GABRA2: variants seen among roughly 807,000 people sequenced by gnomAD.
GABRA2 encodes the protein gamma-aminobutyric acid type A receptor subunit alpha2.
In GABRA2, 16 loss-of-function variants were observed where a neutral mutation model predicts 48.7. That is an observed-to-expected ratio of 0.33 (90% CI 0.22 to 0.50). The LOEUF (loss-of-function observed/expected upper bound fraction) is 0.50. GABRA2 is among the 20% of genes least tolerant of loss of function. The probability of loss-of-function intolerance (pLI) is 0.98; values close to 1 mark genes in which losing one functional copy is unlikely to be tolerated. For synonymous variants in GABRA2, 185 were observed against 184.5 expected, an observed-to-expected ratio of 1.00 and a Z score of -0.02; for missense variants, 275 against 535.6, an observed-to-expected ratio of 0.51 and a Z score of 4.80.
intron 3 of GABRA2, among the ~76,000 whole-genome samples, chr4:46,339,327 A>G (rs1732806202): frequency 6.6e-6 from 1 of 151,882 alleles, no homozygotes; most frequent in African/African-American, 2.4e-5. Context: ...GAACATTTCC[A>G]TTATCACAGA....
chr4:46,295,210 C>T (rs573307767), intron 8 of GABRA2, among the ~76,000 whole-genome samples: 8 of 152,296 alleles, frequency 5.3e-5, no homozygotes, highest in African/African-American at 1.4e-4. Context: ...ATCTTTCCAG[C>T]GGGCAGAACT....
intron 9 of GABRA2, chr4:46,256,378 C>A: frequency 1.7e-6 from 1 of 598,440 alleles, no homozygotes; most frequent in Admixed American, 2.4e-5. Context: ...AAGGGGACTA[C>A]AAGAAACATC....
chr4:46,299,087 T>A (rs2109594652), intron 8 of GABRA2, among the ~76,000 whole-genome samples: 1 of 151,628 alleles, frequency 6.6e-6, no homozygotes, highest in South Asian at 2.1e-4. Flanking sequence ...TTTTGTTCAC[T>A]GAGCTTCAAA....
In GABRA2 at chr4:46,390,014, A is replaced by G. The variant is rs1718045583; in HGVS notation, c.-290T>C. On this transcript the variant is annotated 5_prime_UTR_variant, in exon 1 of 10. Coordinates refer to ENST00000381620, the MANE Select transcript of GABRA2 (RefSeq NM_000807.4). ...GCGGAGGAGGAGGAAGAGGAGGAGG[A>G]GGAAGAGGAGGAGGGGGAAAACGAT... is the stretch of plus-strand genomic sequence containing the variant. 1.1e-6 allele frequency: 1 copy of G among 884,862 alleles called. No individual in the cohort carries two copies. Among genetic ancestry groups the G allele is most frequent in the Non-Finnish European group, 1.3e-6 (1 of 767,888 alleles). 54.8% of individuals were successfully genotyped at this position (884,862 alleles called of 1,614,324 possible). A position where few individuals can be genotyped will look rare whatever the true frequency, so the allele number is the denominator to read the frequency against.
chr4:46,289,289 A>C (rs9997059), intron 8 of GABRA2, among the ~76,000 whole-genome samples: 57,958 of 152,116 alleles, frequency 0.38, 11,698 homozygotes, highest in East Asian at 0.5. Flanking sequence ...AATAGCAAAG[A>C]CATGGAATCA....
intron 8 of GABRA2, among the ~76,000 whole-genome samples, chr4:46,262,991 GGA>G (rs1370102899): frequency 2.0e-5 from 3 of 147,724 alleles, no homozygotes; most frequent in Non-Finnish European, 4.5e-5. Flanking sequence ...AGGGAGGGAG[GGA>G]GAGAGAGAAA....
chr4:46,286,042 C>T, intron 8 of GABRA2, among the ~76,000 whole-genome samples: 1 of 151,974 alleles, frequency 6.6e-6, no homozygotes, highest in East Asian at 1.9e-4. Flanking sequence ...CACTGTCTTT[C>T]TCTAGTTTCA....
intron 8 of GABRA2, among the ~76,000 whole-genome samples, chr4:46,264,001 C>G (rs1459514446): frequency 6.6e-6 from 1 of 151,212 alleles, no homozygotes; most frequent in African/African-American, 2.4e-5. Context: ...TAATTTCATA[C>G]AGCAACATTC....
intron 3 of GABRA2, among the ~76,000 whole-genome samples, chr4:46,361,543 C>T (rs1713187049): frequency 6.6e-6 from 1 of 152,226 alleles, no homozygotes; most frequent in East Asian, 1.9e-4. Context: ...TCATGGAGAA[C>T]CTCTGCTAGA....
intron 3 of GABRA2, among the ~76,000 whole-genome samples, chr4:46,343,845 C>T (rs2109867164): frequency 6.6e-6 from 1 of 151,906 alleles, no homozygotes; most frequent in Admixed American, 6.6e-5. Context: ...TGGGGAGTTC[C>T]AGGCTGTGAA....
intron 3 of GABRA2, among the ~76,000 whole-genome samples, chr4:46,347,451 C>A (rs548048158): frequency 6.6e-6 from 1 of 151,840 alleles, no homozygotes; most frequent in African/African-American, 2.4e-5. Context: ...TATCCAAGGT[C>A]AATTGATATT....
intron 8 of GABRA2, among the ~76,000 whole-genome samples, chr4:46,290,172 G>T (rs570330936): frequency 5.0e-4 from 76 of 151,550 alleles, no homozygotes; most frequent in South Asian, 4.6e-3. Flanking sequence ...CCATAGTGCT[G>T]GGATTGCAGA....
At chr4:46,265,692 T>C (rs1718077645) in intron 8 of GABRA2, among the ~76,000 whole-genome samples, 1 of 151,668 alleles carries the variant, frequency 6.6e-6, no homozygotes, top group South Asian at 2.1e-4. Context: ...AATTTATCTC[T>C]ACTCTAACAC....
At chr4:46,332,977 T>C (rs559305860) in intron 3 of GABRA2, among the ~76,000 whole-genome samples, 1 of 152,238 alleles carries the variant, frequency 6.6e-6, no homozygotes, top group East Asian at 1.9e-4. Flanking sequence ...TTAGGAAACA[T>C]CTTAAGTGAA....
chr4:46,325,648 T>C (rs1054973503), intron 4 of GABRA2, among the ~76,000 whole-genome samples: 2 of 151,966 alleles, frequency 1.3e-5, no homozygotes, highest in Admixed American at 6.6e-5. Context: ...GAAATTGTTG[T>C]CAAGGCCTAG....
intron 4 of GABRA2, among the ~76,000 whole-genome samples, chr4:46,321,523 C>G (rs1370077198): frequency 6.6e-6 from 1 of 151,882 alleles, no homozygotes; most frequent in Non-Finnish European, 1.5e-5. Flanking sequence ...AACACAAAAT[C>G]AAATAATCAT....
chr4:46,244,485 G>A lies in GABRA2; in HGVS notation c.*5823C>T, dbSNP rs746043624. 9.2e-5 allele frequency among the ~76,000 whole-genome samples: 14 copies of A among 151,530 alleles called. No homozygotes were observed. The highest frequency in any genetic ancestry group is 1.6e-4 in the Non-Finnish European group (11 of 67,684). On this transcript the variant is annotated 3_prime_UTR_variant, in exon 10 of 10. Coordinates refer to ENST00000381620, the MANE Select transcript of GABRA2 (RefSeq NM_000807.4). The stretch of plus-strand genomic sequence containing the variant: ...TGGAAAACTGACATTTTCAAACCTA[G>A]TAAGCTAATTCAGCAATTGCAATCC...
At chr4:46,262,188 A>G (rs752339641) in intron 8 of GABRA2, 60 bp from the exon 9 acceptor site, 29 of 1,415,084 alleles carry the variant, frequency 2.0e-5, no homozygotes, top group Non-Finnish European at 2.9e-5. Context: ...CAGCATGGGA[A>G]GTAGCTTTTC....
intron 9 of GABRA2, among the ~76,000 whole-genome samples, chr4:46,255,382 C>T (rs1577768302): frequency 6.6e-6 from 1 of 151,614 alleles, no homozygotes; most frequent in Admixed American, 6.6e-5. Flanking sequence ...TGTAAGTCTC[C>T]TGAATGTCTT....
Sources: gnomAD v4.1 joint callset for allele counts (sites outside exome capture counted in the v4.1 genomes callset) on GRCh38, gnomAD v4.1.1 for gene constraint, MANE v1.5 for transcripts, NCBI Gene and HGNC (gene_info 2026-07-23, HGNC 2026-07-21) for gene names.